GYS2: variants seen among roughly 807,000 people sequenced by gnomAD.
GYS2 encodes glycogen [starch] synthase, liver.
GYS2 carries 80 observed loss-of-function variants against 85.6 expected under a neutral mutation model. That is an observed-to-expected ratio of 0.93 (90% CI 0.78 to 1.13). The LOEUF (loss-of-function observed/expected upper bound fraction) is 1.13. GYS2 is among the 50% of genes most tolerant of loss of function. GYS2 has a pLI of 0.00. For synonymous variants in GYS2, 328 were observed against 300.7 expected, an observed-to-expected ratio of 1.09 and a Z score of -0.94; for missense variants, 881 against 854.9, an observed-to-expected ratio of 1.03 and a Z score of -0.38.
At chr12:21,548,578 T>A (rs1944069545) in intron 11 of GYS2, among the ~76,000 whole-genome samples, 1 of 152,228 alleles carries the variant, frequency 6.6e-6, no homozygotes, top group East Asian at 1.9e-4. Flanking sequence ...TATTTAAAAC[T>A]GGTTCACAAA....
intron 8 of GYS2, among the ~76,000 whole-genome samples, chr12:21,559,986 G>GAC (rs1361532146): frequency 6.6e-6 from 1 of 152,098 alleles, no homozygotes. Context: ...GCAGAGAGGG[G>GAC]GAGTAGATGA....
intron 4 of GYS2, among the ~76,000 whole-genome samples, chr12:21,571,743 A>G (rs1432114283): frequency 6.6e-6 from 1 of 152,060 alleles, no homozygotes; most frequent in South Asian, 2.1e-4. Context: ...CGGGCGGATG[A>G]CGAGCTCAGG....
chr12:21,574,409 T>C (rs889294347), intron 3 of GYS2, 83 bp from the exon 4 acceptor site: 16 of 1,038,076 alleles, frequency 1.5e-5, no homozygotes, highest in Middle Eastern at 4.1e-4. Flanking sequence ...AGTGGAGTTA[T>C]GGTGTCTATA....
chr12:21,556,228 G>C (rs778967818), intron 11 of GYS2, among the ~76,000 whole-genome samples: 73 of 152,100 alleles, frequency 4.8e-4, no homozygotes, highest in Middle Eastern at 3.4e-3. Context: ...ACCCATGCTG[G>C]AGGGCAGTGG....
intron 5 of GYS2, among the ~76,000 whole-genome samples, chr12:21,565,477 T>G (rs1219296238): frequency 6.9e-6 from 1 of 145,890 alleles, no homozygotes; most frequent in African/African-American, 2.5e-5. Context: ...TTTTAGGTTA[T>G]TTGTATGTAA....
chr12:21,535,599 T>C (rs1400672735), downstream of GYS2, among the ~76,000 whole-genome samples: 2 of 152,228 alleles, frequency 1.3e-5, no homozygotes, highest in African/African-American at 2.4e-5. Flanking sequence ...AGTTTTCTAC[T>C]TTTTTCTAGC....
intron 1 of GYS2, among the ~76,000 whole-genome samples, chr12:21,582,086 T>A (rs1047410319): frequency 6.7e-6 from 1 of 149,882 alleles, no homozygotes; most frequent in Non-Finnish European, 1.5e-5. Context: ...GAAAAAAAAA[T>A]TGCAAACTAT....
At chr12:21,563,822 C>T (rs1328842733) in intron 5 of GYS2, among the ~76,000 whole-genome samples, 1 of 152,174 alleles carries the variant, frequency 6.6e-6, no homozygotes, top group Admixed American at 6.6e-5. Context: ...AAGCAGAATC[C>T]ATGCAGTCTG....
At position 21,559,108 on chromosome 12, in the gene GYS2, C is replaced by T. The variant is rs755067235; in HGVS notation, c.1291G>A (p.Ala431Thr). 2 of 1,599,530 alleles carry T rather than the reference C, an allele frequency of 1.3e-6. No individual in the cohort carries two copies. The highest frequency in any genetic ancestry group is 2.2e-5 in the South Asian group (2 of 90,590). ...DRDDLTIMKR[A>T]IFSTQRQSLP... ...CTTATTACCTGAGTTGAAAAGATGGCTCTTTTCATAATTGTTAGATCATCT... is the reference window on the plus strand; with the variant it reads ...CTTATTACCTGAGTTGAAAAGATGGTTCTTTTCATAATTGTTAGATCATCT... Residue 431 changes from alanine (A) to threonine (T), a missense_variant, in exon 10 of 16, where the codon GCC becomes ACC. Coordinates refer to ENST00000261195, the MANE Select transcript of GYS2 (RefSeq NM_021957.4).
intron 2 of GYS2, among the ~76,000 whole-genome samples, chr12:21,577,336 C>G (rs760134534): frequency 1.3e-5 from 2 of 152,102 alleles, no homozygotes; most frequent in Admixed American, 6.6e-5. Context: ...GATACATAAG[C>G]TAAGATCATA....
At chr12:21,560,357 T>C (rs773671433) in intron 8 of GYS2, 29 bp downstream of exon 8, 3 of 1,130,728 alleles carry the variant, frequency 2.7e-6, no homozygotes, top group Non-Finnish European at 4.1e-6. Flanking sequence ...CATTTATTGC[T>C]AGAGAACATT....
intron 8 of GYS2, among the ~76,000 whole-genome samples, chr12:21,560,093 G>A (rs1944234197): frequency 6.6e-6 from 1 of 152,116 alleles, no homozygotes; most frequent in Non-Finnish European, 1.5e-5. Context: ...TACTTGACAT[G>A]TTCTTAGAAT....
Position 21,604,581 on chromosome 12 carries a change from G to A in GYS2, c.12C>T (p.Gly4=), listed in dbSNP as rs1944786941. Residue 4 remains glycine (G), a synonymous_variant, in exon 1 of 16, where the codon GGC becomes GGT. Coordinates refer to ENST00000261195, the MANE Select transcript of GYS2 (RefSeq NM_021957.4). ...CCAGGGATGTTACAGAGAGGGATCG[G>A]CCTCGAAGCATTCTTCTTACAGTCC... MLR[G]RSLSVTSLGG... is the part of the protein sequence containing the mutation. The A allele has an allele frequency of 6.2e-7, 1 of 1,612,356 alleles. No homozygotes were observed. The highest frequency in any genetic ancestry group is 1.7e-5 in the Admixed American group (1 of 59,888).
At position 21,574,282 on chromosome 12, in the gene GYS2, A is replaced by G. The variant is rs773447497; in HGVS notation, c.540T>C (p.His180=). The change falls in exon 4 of 16, where the codon CAT becomes CAC. Residue 180 remains histidine (H), a synonymous_variant. Coordinates refer to ENST00000261195, the MANE Select transcript of GYS2 (RefSeq NM_021957.4). ...TCAGTCCAATTCCAGCCTGCCATTC[A>G]TGGAATTGGGCAACGACATATTTAC... ...ADGKYVVAQF[H]EWQAGIGLIL... 5.0e-6 allele frequency: 8 copies of G among 1,613,750 alleles called. No homozygotes were observed. The highest frequency in any genetic ancestry group is 3.3e-5 in the South Asian group (3 of 91,088).
At chr12:21,571,179 G>C (rs1292732745) in intron 4 of GYS2, among the ~76,000 whole-genome samples, 3 of 152,170 alleles carry the variant, frequency 2.0e-5, no homozygotes, top group African/African-American at 7.2e-5. Context: ...TGGGGAAGTC[G>C]GGTGGGTGTG....
At position 21,574,207 on chromosome 12, in the gene GYS2, G is replaced by T. The variant is rs569279347; in HGVS notation, c.615C>A (p.His205Gln). The change falls in exon 4 of 16, where the codon CAC (histidine) becomes CAA (glutamine). Residue 205 changes from histidine to glutamine, a missense_variant. By Grantham distance (24) the His-to-Gln change is conservative. Transcript: ENST00000261195. Reference sequence around the variant, plus strand: ...AGAGATACCTCCCAAGTAGTGTAGCGTGGGTTGTAAATATTGTGGCAATAG... The same window carrying T: ...AGAGATACCTCCCAAGTAGTGTAGCTTGGGTTGTAAATATTGTGGCAATAG... ...KLPIATIFTT[H>Q]ATLLGRYLCA... 1 of 1,612,612 alleles carries T rather than the reference G, an allele frequency of 6.2e-7. No homozygotes were observed. The highest frequency in any genetic ancestry group is 2.2e-5 in the East Asian group (1 of 44,860).
intron 1 of GYS2, among the ~76,000 whole-genome samples, chr12:21,595,480 A>C (rs903622687): frequency 6.6e-6 from 1 of 152,216 alleles, no homozygotes; most frequent in Non-Finnish European, 1.5e-5. Flanking sequence ...AGCAAAATAC[A>C]GGTGTAGAGG....
At chr12:21,565,535 T>A (rs1212654654) in intron 5 of GYS2, among the ~76,000 whole-genome samples, 2 of 148,534 alleles carry the variant, frequency 1.3e-5, no homozygotes, top group African/African-American at 4.9e-5. Context: ...TATATACAAA[T>A]AACCTAAAAT....
At chr12:21,563,924 A>G (rs1284086608) in intron 5 of GYS2, among the ~76,000 whole-genome samples, 1 of 152,218 alleles carries the variant, frequency 6.6e-6, no homozygotes, top group African/African-American at 2.4e-5. Flanking sequence ...TGCATTTGGA[A>G]AATTGGAAAA....
Sources: gnomAD v4.1 joint callset for allele counts (sites outside exome capture counted in the v4.1 genomes callset) on GRCh38, gnomAD v4.1.1 for gene constraint, MANE v1.5 for transcripts, NCBI Gene and HGNC (gene_info 2026-07-23, HGNC 2026-07-21) for gene names.